KLHL35: variants seen among roughly 807,000 people sequenced by gnomAD.
KLHL35 encodes the protein kelch like family member 35, also known as kelch-like protein 35.
In KLHL35, 50 loss-of-function variants were observed where a neutral mutation model predicts 44.0. The observed-to-expected ratio is 1.14, with a 90% confidence interval of 0.91 to 1.44. KLHL35 has a LOEUF of 1.44. KLHL35 is among the 40% of genes most tolerant of loss of function. KLHL35 has a pLI of 0.00. For synonymous variants in KLHL35, 470 were observed against 410.4 expected, an observed-to-expected ratio of 1.15 and a Z score of -1.76; for missense variants, 1,049 against 887.8, an observed-to-expected ratio of 1.18 and a Z score of -2.31.
intron 4 of KLHL35, 41 bp from the exon 5 acceptor site, chr11:75,425,622 C>A (rs996713622): frequency 7.1e-7 from 1 of 1,416,658 alleles, no homozygotes; most frequent in Non-Finnish European, 9.2e-7. Flanking sequence ...GGTGCCAGGG[C>A]CTTAGGGCCC....
rs1948526539 is a variant in KLHL35 at position 75,430,391 on chromosome 11, G to A, written c.239C>T (p.Ala80Val). 2.2e-6 allele frequency: 3 copies of A among 1,367,238 alleles called. 1 individual carries two copies. The highest frequency in any genetic ancestry group is 6.0e-5 in the Admixed American group (2 of 33,110). 84.7% of individuals were successfully genotyped at this position (1,367,238 alleles called of 1,614,324 possible). A position where few individuals can be genotyped will look rare whatever the true frequency, so the allele number is the denominator to read the frequency against. ...FAAGRPERGPAVVPVVPVAPE... is the reference protein window; with the variant it reads ...FAAGRPERGPVVVPVVPVAPE... Reference sequence around the variant, plus strand: ...AGCTACTGGCACCACTGGCACCACGGCCGGGCCGCGCTCGGGCCGCCCGGC... The same window carrying A: ...AGCTACTGGCACCACTGGCACCACGACCGGGCCGCGCTCGGGCCGCCCGGC... The change falls in exon 2 of 7, where the codon GCC (alanine) becomes GTC (valine). Residue 80 changes from alanine (A) to valine (V), a missense_variant. By Grantham distance (64) the Ala-to-Val change is moderately conservative (BLOSUM62 0). Coordinates refer to ENST00000539798, the MANE Select transcript of KLHL35 (RefSeq NM_001039548.3).
chr11:75,430,126 G>T lies in KLHL35; in HGVS notation c.504C>A (p.Ala168=). 3 of 1,267,190 alleles carry T rather than the reference G, an allele frequency of 2.4e-6. No individual in the cohort carries two copies. The highest frequency in any genetic ancestry group is 5.2e-5 in the South Asian group (2 of 38,526). The allele number at this position is 1,267,190 out of a possible 1,614,324, so 78.5% of individuals were successfully genotyped here. ...LRRVAAAFSL[A]PLAERCGRVL... Reference sequence around the variant, plus strand: ...CGCGGCCGCAGCGCTCGGCCAGCGGGGCCAGCGAGAAGGCGGCGGCCACGC... The same window carrying T: ...CGCGGCCGCAGCGCTCGGCCAGCGGTGCCAGCGAGAAGGCGGCGGCCACGC... Residue 168 remains alanine, a synonymous_variant, in exon 2 of 7, where the codon GCC becomes GCA. Transcript: ENST00000539798.
At chr11:75,423,470 C>T (rs1027021444) in intron 6 of KLHL35, 11 of 563,348 alleles carry the variant, frequency 2.0e-5, no homozygotes, top group Non-Finnish European at 3.5e-5. Flanking sequence ...GGGTTCTAGG[C>T]TCTGCCTTAA....
intron 3 of KLHL35, among the ~76,000 whole-genome samples, chr11:75,427,780 G>C (rs1381589150): frequency 6.6e-6 from 1 of 152,116 alleles, no homozygotes; most frequent in Non-Finnish European, 1.5e-5. Flanking sequence ...TGCCCATACT[G>C]TTCCCTCCAA....
At position 75,425,457 on chromosome 11, in the gene KLHL35, G is replaced by A. The variant is rs1403961936; in HGVS notation, c.1310C>T (p.Ala437Val). Residue 437 changes from alanine to valine, a missense_variant, in exon 5 of 7, where the codon GCG becomes GTG. Coordinates refer to ENST00000539798, the MANE Select transcript of KLHL35 (RefSeq NM_001039548.3). ...LPEAVSSAAV[A>V]SCAGKLFVIG... ...CACGAAGAGCTTGCCCGCGCAGGAC[G>A]CCACCGCCGCCGAGCTCACGGCCTC... 6.4e-7 allele frequency: 1 copy of A among 1,570,742 alleles called. No individual in the cohort carries two copies. The highest frequency in any genetic ancestry group is 8.6e-7 in the Non-Finnish European group (1 of 1,164,468).
In KLHL35 at chr11:75,433,042, C is replaced by T. The variant is rs1340132904; in HGVS notation, c.-2+1G>A. The stretch of plus-strand genomic sequence containing the variant: ...CCTTGCCCCATGCACCTGGCACTTA[C>T]CTGGCCATACCCTCTCCCAAGTGCT... On this transcript the variant is annotated splice_donor_variant, in intron 1 of 6. Coordinates refer to ENST00000539798, the MANE Select transcript of KLHL35 (RefSeq NM_001039548.3). LOFTEE classifies it low-confidence loss of function (5UTR_SPLICE). Among the ~76,000 whole-genome samples, 2 of 152,208 alleles carry T rather than the reference C, an allele frequency of 1.3e-5. No individual in the cohort carries two copies. The highest frequency in any genetic ancestry group is 6.5e-5 in the Admixed American group (1 of 15,280).
Position 75,430,164 on chromosome 11 carries a change from G to C in KLHL35, c.466C>G (p.Leu156Val), listed in dbSNP as rs959822033. 8.1e-7 allele frequency: 1 copy of C among 1,239,322 alleles called. No individual in the cohort carries two copies. Among genetic ancestry groups the C allele is most frequent in the Non-Finnish European group, 1.0e-6 (1 of 992,174 alleles). The allele number at this position is 1,239,322 out of a possible 1,614,324, so 76.8% of individuals were successfully genotyped here. A position where few individuals can be genotyped will look rare whatever the true frequency, so the allele number is the denominator to read the frequency against. ...GCGGCGGCCACGCGGCGCAGCGCTA[G>C]GCTGTTGGCGGCGCGCAGGCGGCCC... ...LEGRLRAANS[L>V]ALRRVAAAFS... Residue 156 changes from leucine to valine, a missense_variant, in exon 2 of 7, where the codon CTA (leucine) becomes GTA (valine). Coordinates refer to ENST00000539798, the MANE Select transcript of KLHL35 (RefSeq NM_001039548.3).
chr11:75,426,138 G>T (rs1948490210), intron 4 of KLHL35: 1 of 161,008 alleles, frequency 6.2e-6, no homozygotes, highest in Non-Finnish European at 1.4e-5. Flanking sequence ...TGTATTTTTA[G>T]TAGAGACGGG....
intron 4 of KLHL35, 140 bp downstream of exon 4, chr11:75,426,380 T>A (rs1346715013): frequency 3.5e-5 from 20 of 572,836 alleles, no homozygotes; most frequent in Non-Finnish European, 6.2e-5. Context: ...CAGCCATTAT[T>A]ATGTGACCTT....
In KLHL35 at chr11:75,428,463, G is replaced by C. The variant is rs748501824; in HGVS notation, c.1045C>G (p.Arg349Gly). 3 of 1,612,356 alleles carry C rather than the reference G, an allele frequency of 1.9e-6. No individual in the cohort carries two copies. The highest frequency in any genetic ancestry group is 2.5e-6 in the Non-Finnish European group (3 of 1,179,872). ...TRSEFAACAL[R>G]NDVYVSGGHI... ...TCACCGGAGACGTAGACGTCATTGC[G>C]GAGAGCACAGGCGGCGAATTCTGAG... Residue 349 changes from arginine (R) to glycine (G), a missense_variant, in exon 3 of 7, where the codon CGC becomes GGC. Coordinates refer to ENST00000539798, the MANE Select transcript of KLHL35 (RefSeq NM_001039548.3).
Position 75,430,253 on chromosome 11 carries a change from A to T in KLHL35, c.377T>A (p.Val126Glu). Reference protein sequence around the residue: ...RLRAEDEAAAVLALAERLGVA... With the variant: ...RLRAEDEAAAELALAERLGVA... ...GCCCAGCCGCTCCGCCAGCGCCAGC[A>T]CGGCCGCCGCCTCGTCCTCCGCGCG... Residue 126 changes from valine to glutamate, a missense_variant, in exon 2 of 7, where the codon GTG becomes GAG. Physicochemically the swap from Val to Glu is moderately radical, Grantham distance 121. Transcript: ENST00000539798. The T allele has an allele frequency of 8.3e-7, 1 of 1,211,448 alleles. No homozygotes were observed. Among genetic ancestry groups the T allele is most frequent in the Non-Finnish European group, 1.0e-6 (1 of 974,048 alleles). The allele number at this position is 1,211,448 out of a possible 1,614,324, so 75.0% of individuals were successfully genotyped here. A position where few individuals can be genotyped will look rare whatever the true frequency, so the allele number is the denominator to read the frequency against.
rs747397891 is a variant in KLHL35, at chr11:75,428,586, A to G, written c.922T>C (p.Cys308Arg). The change falls in exon 3 of 7, where the codon TGC becomes CGC. Residue 308 changes from cysteine to arginine, a missense_variant. Transcript: ENST00000539798. The part of the protein sequence containing the change: ...LAEVIVVIGG[C>R]DRKGLLKLPF... ...AGCTTCAGGAGACCTTTGCGGTCGC[A>G]ACCGCCGATGACCACGATCACTTCA... is the stretch of plus-strand genomic sequence containing the variant. The G allele has an allele frequency of 1.2e-6, 2 of 1,604,068 alleles. No individual in the cohort carries two copies. The highest frequency in any genetic ancestry group is 3.3e-5 in the Admixed American group (2 of 59,712).
In KLHL35 at chr11:75,429,894, G is replaced by A. The variant is rs1420914804; in HGVS notation, c.736C>T (p.Leu246=). The A allele has an allele frequency of 4.0e-6, 6 of 1,512,488 alleles. No individual in the cohort carries two copies. The South Asian group carries it at 4.9e-5, about 12-fold the overall frequency. The allele number at this position is 1,512,488 out of a possible 1,614,324, so 93.7% of individuals were successfully genotyped here. A position where few individuals can be genotyped will look rare whatever the true frequency, so the allele number is the denominator to read the frequency against. The change falls in exon 2 of 7, where the codon CTA becomes TTA. Residue 246 remains leucine, a synonymous_variant. Coordinates refer to ENST00000539798, the MANE Select transcript of KLHL35 (RefSeq NM_001039548.3). The part of the protein sequence containing the change: ...RRLLEHVRLP[L]LAPAYFLEKV... ...TCCAGGAAGTAAGCGGGCGCCAGTA[G>A]CGGCAGGCGCACGTGCTCCAGCAGG...
chr11:75,423,571 G>A (rs1262281090), intron 6 of KLHL35, 121 bp downstream of exon 6: 1 of 800,440 alleles, frequency 1.2e-6, no homozygotes, highest in Non-Finnish European at 2.0e-6. Context: ...ATCACTGTGA[G>A]GATGAGCTAG....
rs779936640 is a variant in KLHL35, at chr11:75,425,475, ACGGCCTC to A, written c.1285_1291del (p.Glu429Ter). 39 of 1,573,334 alleles carry A rather than the reference ACGGCCTC, an allele frequency of 2.5e-5. No homozygotes were observed. The highest frequency in any genetic ancestry group is 5.4e-5 in the Admixed American group (3 of 55,428). ...GCAGGACGCCACCGCCGCCGAGCTC[ACGGCCTC>A]CGGGAGGGGCGCGGCGGCCGCCCAG... is the stretch of plus-strand genomic sequence containing the variant. On this transcript the variant is annotated frameshift_variant, in exon 5 of 7. Coordinates refer to ENST00000539798, the MANE Select transcript of KLHL35 (RefSeq NM_001039548.3). LOFTEE classifies it high-confidence loss of function.
intron 5 of KLHL35, 182 bp from the exon 6 acceptor site, chr11:75,424,062 C>T (rs1406551789): frequency 6.9e-5 from 41 of 592,284 alleles, no homozygotes; most frequent in Middle Eastern, 8.9e-4. Flanking sequence ...CCCTCAAGGG[C>T]TCTTCATCTA....
At chr11:75,426,363 T>C (rs996141355) in intron 4 of KLHL35, 157 bp downstream of exon 4, 1 of 555,580 alleles carries the variant, frequency 1.8e-6, no homozygotes, top group African/African-American at 1.9e-5. Flanking sequence ...GCTATTATTA[T>C]TAGCATCAGC....
intron 4 of KLHL35, 136 bp downstream of exon 4, chr11:75,426,384 T>C: frequency 1.7e-6 from 1 of 576,210 alleles, no homozygotes; most frequent in Non-Finnish European, 3.1e-6. Context: ...CATTATTATG[T>C]GACCTTGGAC....
rs908650826 is a variant in KLHL35, at chr11:75,425,406, A to C, written c.1361T>G (p.Val454Gly). The C allele has an allele frequency of 6.4e-7, 1 of 1,555,628 alleles. No homozygotes were observed. Among genetic ancestry groups the C allele is most frequent in the East Asian group, 2.4e-5 (1 of 42,138 alleles). ...GCCCACGCCCACCTTGTCCGTGTTGACGCCGCCCTGCCTGGCGCCCCCAAT... is the reference window on the plus strand; with the variant it reads ...GCCCACGCCCACCTTGTCCGTGTTGCCGCCGCCCTGCCTGGCGCCCCCAAT... ...FVIGGARQGG[V>G]NTDKVQCFDP... The change falls in exon 5 of 7, where the codon GTC (valine) becomes GGC (glycine). Residue 454 changes from valine to glycine, a missense_variant. Coordinates refer to ENST00000539798, the MANE Select transcript of KLHL35 (RefSeq NM_001039548.3).
Sources: gnomAD v4.1 joint callset for allele counts (sites outside exome capture counted in the v4.1 genomes callset) on GRCh38, gnomAD v4.1.1 for gene constraint, MANE v1.5 for transcripts, NCBI Gene and HGNC (gene_info 2026-07-23, HGNC 2026-07-21) for gene names.